Variants in SMYD1 observed in about 807,000 individuals in gnomAD.
SMYD1 encodes the protein SET and MYND domain containing 1.
A neutral mutation model predicts 54.0 loss-of-function variants in SMYD1; 49 were observed. The ratio of observed to expected loss-of-function variants is 0.91; its 90% CI spans 0.72 to 1.15. The LOEUF is 1.15. Ranked by LOEUF, SMYD1 falls within the 50% of genes most tolerant of loss-of-function variation. The pLI is 0.00. For synonymous variants in SMYD1, 269 were observed against 234.2 expected (o/e 1.15, Z -1.36); for missense variants, 653 against 639.6 (o/e 1.02, Z -0.23).
In SMYD1 at chr2:88,113,378, A is replaced by G. The variant is rs1316053370; in HGVS notation, c.*2866A>G. 6.6e-6 allele frequency: 1 copy of G among 152,216 alleles called. No homozygotes were observed. The highest frequency in any genetic ancestry group is 1.9e-4 in the East Asian group (1 of 5,202). The allele number at this position is 152,216 out of a possible 1,614,324, so 9.4% of individuals were successfully genotyped here. A position where few individuals can be genotyped will look rare whatever the true frequency, so the allele number is the denominator to read the frequency against. The stretch of plus-strand genomic sequence containing the variant: ...ATCCTATTAAATACTTTGTGTTTCC[A>G]AGCAAATAAGTGTGGCTTCTTTCTT... On this transcript the variant is annotated 3_prime_UTR_variant, in exon 10 of 10. Transcript: ENST00000419482.
rs752517517 is a variant in SMYD1, at chr2:88,106,455, C to T, written c.1112C>T (p.Ser371Leu). Reference sequence around the variant, plus strand: ...TACCTCCAGGCCTTTGAGGAGGCCTCGTTCTATGCCAGGAGGATGGTGGAC... The same window carrying T: ...TACCTCCAGGCCTTTGAGGAGGCCTTGTTCTATGCCAGGAGGATGGTGGAC... ...LSYLQAFEEA[S>L]FYARRMVDGY... The change falls in exon 8 of 10, where the codon TCG becomes TTG. Residue 371 changes from serine to leucine, a missense_variant. By Grantham distance (145) the Ser-to-Leu change is moderately radical. Coordinates refer to ENST00000419482, the MANE Select transcript of SMYD1 (RefSeq NM_198274.4). 2.8e-5 allele frequency: 45 copies of T among 1,613,980 alleles called. No individual in the cohort carries two copies. The Admixed American group carries it at 6.2e-4, about 22-fold the overall frequency.
intron 6 of SMYD1, among the ~76,000 whole-genome samples, chr2:88,100,283 T>C (rs184981077): frequency 5.8e-4 from 89 of 152,250 alleles, no homozygotes; most frequent in African/African-American, 2.1e-3. Flanking sequence ...TGGGGAATCT[T>C]GTAAGTTGCC....
chr2:88,073,647 C>G (rs117298124), intron 1 of SMYD1, among the ~76,000 whole-genome samples: 1 of 152,234 alleles, frequency 6.6e-6, no homozygotes, highest in African/African-American at 2.4e-5. Flanking sequence ...GTTTTTAAGG[C>G]TTTTGATATA....
chr2:88,108,642 C>G, intron 9 of SMYD1, 103 bp downstream of exon 9: 1 of 1,214,774 alleles, frequency 8.2e-7, no homozygotes, highest in Non-Finnish European at 1.1e-6. Context: ...CCACATACTC[C>G]CAGCTAGACA....
At chr2:88,106,199 C>T in intron 7 of SMYD1, 126 bp from the exon 8 acceptor site, 1 of 1,289,670 alleles carries the variant, frequency 7.8e-7, no homozygotes, top group Non-Finnish European at 1.1e-6. Context: ...TGCTTTCCCA[C>T]CTCTGTCAGC....
Position 88,108,551 on chromosome 2 carries a change from C to T in SMYD1, c.1314+12C>T, listed in dbSNP as rs1450477686. ...CTAAGGACTTAGAGGCAAGTAGCGT[C>T]TTGAGGCTGGTGTTCCCTTCCTGGC... On this transcript the variant is annotated intron_variant, in intron 9 of 9. Coordinates refer to ENST00000419482, the MANE Select transcript of SMYD1 (RefSeq NM_198274.4). 6.4e-7 allele frequency: 1 copy of T among 1,567,418 alleles called. No homozygotes were observed. Among genetic ancestry groups the T allele is most frequent in the Non-Finnish European group, 8.7e-7 (1 of 1,155,810 alleles).
intron 1 of SMYD1, among the ~76,000 whole-genome samples, chr2:88,072,610 C>T (rs1673974195): frequency 6.6e-6 from 1 of 152,184 alleles, no homozygotes; most frequent in Admixed American, 6.5e-5. Flanking sequence ...ATTTTAACTT[C>T]TCTGAAATCA....
Position 88,086,481 on chromosome 2 carries a change from T to G in SMYD1, c.315-1381T>G, listed in dbSNP as rs1674328416. 2.6e-5 allele frequency among the ~76,000 whole-genome samples: 4 copies of G among 152,152 alleles called. No homozygotes were observed. The South Asian group carries it at 8.3e-4, about 31-fold the overall frequency. On this transcript the variant is annotated intron_variant, in intron 2 of 9. Transcript: ENST00000419482. ...AGGGCTTCGGGGTGAAGTATACCCC[T>G]TTGTCTCATACTCAAGTCCCTGTGT...
intron 1 of SMYD1, among the ~76,000 whole-genome samples, chr2:88,070,985 C>T (rs1210306561): frequency 7.0e-6 from 1 of 143,080 alleles, no homozygotes; most frequent in African/African-American, 2.6e-5. Flanking sequence ...AGTTTTATCA[C>T]AGTCACATAT....
intron 7 of SMYD1, among the ~76,000 whole-genome samples, chr2:88,105,852 C>T (rs772050736): frequency 1.3e-5 from 2 of 152,074 alleles, no homozygotes; most frequent in Non-Finnish European, 2.9e-5. Context: ...GCAGGAGAAT[C>T]GCTTGAAGCT....
chr2:88,106,339 C>G lies in SMYD1; in HGVS notation c.996C>G (p.Cys332Trp), dbSNP rs1401962431. The change falls in exon 8 of 10, where the codon TGC becomes TGG. Residue 332 changes from cysteine (C) to tryptophan (W), a missense_variant. Transcript: ENST00000419482. ...EGLYHEVVKL[C>W]RECLEKQEPV... is the part of the protein sequence containing the mutation. ...TCTCACTCTAGGTTGTGAAATTATG[C>G]CGGGAGTGCCTGGAGAAGCAGGAGC... is the stretch of plus-strand genomic sequence containing the variant. 2 of 1,613,938 alleles carry G rather than the reference C, an allele frequency of 1.2e-6. No individual in the cohort carries two copies. Among genetic ancestry groups the G allele is most frequent in the Non-Finnish European group, 1.7e-6 (2 of 1,179,996 alleles).
At chr2:88,108,675 A>G in intron 9 of SMYD1, 136 bp downstream of exon 9, 1 of 781,948 alleles carries the variant, frequency 1.3e-6, no homozygotes, top group South Asian at 2.3e-5. Flanking sequence ...GAAACGCTTT[A>G]GCCCACTACC....
At chr2:88,104,033 T>C (rs547710575) in intron 7 of SMYD1, among the ~76,000 whole-genome samples, 15 of 151,756 alleles carry the variant, frequency 9.9e-5, no homozygotes, top group East Asian at 7.8e-4. Flanking sequence ...GTGGCACGAT[T>C]TCGGCTCACT....
chr2:88,094,698 G>A (rs75388090), intron 5 of SMYD1, among the ~76,000 whole-genome samples: 10,311 of 152,238 alleles, frequency 0.068, 926 homozygotes, highest in East Asian at 0.46. Flanking sequence ...CCCTGAGACC[G>A]TGCAAGAATT....
intron 6 of SMYD1, 69 bp downstream of exon 6, chr2:88,096,853 C>T (rs1237207464): frequency 1.3e-6 from 2 of 1,500,056 alleles, no homozygotes; most frequent in African/African-American, 2.8e-5. Flanking sequence ...GGTGGTTTCA[C>T]AGCTAATCCG....
intron 4 of SMYD1, 38 bp from the exon 5 acceptor site, chr2:88,093,479 A>G (rs1388946935): frequency 3.1e-6 from 5 of 1,613,502 alleles, no homozygotes; most frequent in African/African-American, 1.3e-5. Flanking sequence ...TCAGCCAATG[A>G]TAATGATTTC....
At position 88,088,080 on chromosome 2, in the gene SMYD1, G is replaced by GCC; in HGVS notation, c.528+9_528+10dup. On this transcript the variant is annotated splice_donor_region_variant and intron_variant, in intron 3 of 9. Transcript: ENST00000419482. ...ATCTCGCACATCTTCGGAGTGGTAG[G>GCC]CCCCCTGCGTCCCTTCTCCATCCTC... is the stretch of plus-strand genomic sequence containing the variant. The GCC allele has an allele frequency of 6.2e-7, 1 of 1,608,514 alleles. No homozygotes were observed. Among genetic ancestry groups the GCC allele is most frequent in the South Asian group, 1.1e-5 (1 of 90,260 alleles).
At chr2:88,094,322 G>A (rs1573114152) in intron 5 of SMYD1, among the ~76,000 whole-genome samples, 2 of 152,242 alleles carry the variant, frequency 1.3e-5, no homozygotes, top group Non-Finnish European at 1.5e-5. Context: ...GACCTTCCTA[G>A]TTCTAAGTCT....
At chr2:88,104,114 C>A (rs1674795396) in intron 7 of SMYD1, among the ~76,000 whole-genome samples, 1 of 151,976 alleles carries the variant, frequency 6.6e-6, no homozygotes, top group Non-Finnish European at 1.5e-5. Flanking sequence ...CTACAGGTGC[C>A]CGCCACCACG....
Sources: gnomAD v4.1 joint callset for allele counts (sites outside exome capture counted in the v4.1 genomes callset) on GRCh38, gnomAD v4.1.1 for gene constraint, MANE v1.5 for transcripts, NCBI Gene and HGNC (gene_info 2026-07-23, HGNC 2026-07-21) for gene names.